NSF: variants seen among roughly 807,000 people sequenced by gnomAD.
NSF encodes vesicle-fusing ATPase.
Under a neutral mutation model 50.3 loss-of-function variants are expected in NSF, and 14 were observed. That is an observed-to-expected ratio of 0.28 (90% confidence interval 0.18 to 0.44). The LOEUF (loss-of-function observed/expected upper bound fraction) is 0.44. NSF is among the 20% of genes least tolerant of loss of function. NSF has a pLI of 1.00. For missense variants in NSF, 218 were observed against 504.3 expected (o/e 0.43, Z 5.44); for synonymous variants, 109 against 175.7 (o/e 0.62, Z 3.00).
chr17:46,657,215 A>G (rs2058265402), intron 8 of NSF, among the ~76,000 whole-genome samples: 1 of 102,770 alleles, frequency 9.7e-6, no homozygotes, highest in South Asian at 4.4e-4. Context: ...TGGAAGTAGA[A>G]TTGCTGAATC....
intron 17 of NSF, among the ~76,000 whole-genome samples, chr17:46,737,186 T>C (rs2059014425): frequency 6.6e-6 from 1 of 152,190 alleles, no homozygotes; most frequent in African/African-American, 2.4e-5. Context: ...CACTGTTCAA[T>C]TGTGAAGTTT....
Position 46,646,502 on chromosome 17 carries a change from CAAAAAAAAAAAAAAAA to C in NSF, c.745+3261_745+3276del, listed in dbSNP as rs1158578265. Among the ~76,000 whole-genome samples, 3 of 502 alleles carry C rather than the reference CAAAAAAAAAAAAAAAA, an allele frequency of 6.0e-3. 1 individual carries two copies. Among genetic ancestry groups the C allele is most frequent in the Non-Finnish European group, 0.016 (1 of 64 alleles). 0.3% of individuals were successfully genotyped at this position (502 alleles called of 152,430 possible). On this transcript the variant is annotated intron_variant, in intron 8 of 20. Transcript: ENST00000398238. Reference sequence around the variant, plus strand: ...TGGGCGACAGAGCGAGACTCCATCTCAAAAAAAAAAAAAAAAAAAAAAAAAAAAAAAAAGAAGAAGA... The same window carrying C: ...TGGGCGACAGAGCGAGACTCCATCTCAAAAAAAAAAAAAAAAAGAAGAAGA...
At position 46,711,030 on chromosome 17, in the gene NSF, C is replaced by T. The variant is rs548528596; in HGVS notation, c.1538C>T (p.Pro513Leu). 14 of 1,591,754 alleles carry T rather than the reference C, an allele frequency of 8.8e-6. No individual in the cohort carries two copies. In the Admixed American group the frequency reaches 1.6e-4, roughly 19 times the overall value. Residue 513 changes from proline (P) to leucine (L), a missense_variant, in exon 14 of 21, where the codon CCA (proline) becomes CTA (leucine). Coordinates refer to ENST00000398238, the MANE Select transcript of NSF (RefSeq NM_006178.4). ...IMNGIIKWGD[P>L]VTRVLDDGEL... ...AACGGTATCATCAAATGGGGTGACC[C>T]AGTTACTCGAGTTCTAGATGATGGG...
chr17:46,727,272 C>G (rs976922471), intron 16 of NSF, among the ~76,000 whole-genome samples: 1 of 152,126 alleles, frequency 6.6e-6, no homozygotes, highest in African/African-American at 2.4e-5. Context: ...TGGCACTTAA[C>G]TCATAAGAAA....
chr17:46,742,191 A>G (rs767135560), intron 17 of NSF, among the ~76,000 whole-genome samples: 6 of 152,244 alleles, frequency 3.9e-5, no homozygotes, highest in East Asian at 1.9e-4. Context: ...GGCACGAAGC[A>G]TACATGCCGT....
chr17:46,679,189 AG>A (rs1861141491), intron 9 of NSF, among the ~76,000 whole-genome samples: 1 of 151,636 alleles, frequency 6.6e-6, no homozygotes, highest in South Asian at 2.1e-4. Context: ...AGTGCTTGGG[AG>A]GGGTTGTGAG....
intron 14 of NSF, among the ~76,000 whole-genome samples, chr17:46,712,725 G>A (rs944073173): frequency 6.6e-6 from 1 of 152,118 alleles, no homozygotes. Flanking sequence ...AGACGAAAAG[G>A]AGGCCTAGAA....
intron 14 of NSF, among the ~76,000 whole-genome samples, chr17:46,713,579 C>T (rs1016616894): frequency 6.6e-6 from 1 of 152,120 alleles, no homozygotes; most frequent in South Asian, 2.1e-4. Flanking sequence ...AACCCTTACA[C>T]TCTGTATATT....
At chr17:46,684,407 G>A (rs931914646) in intron 9 of NSF, among the ~76,000 whole-genome samples, 8 of 151,330 alleles carry the variant, frequency 5.3e-5, no homozygotes, top group Non-Finnish European at 1.0e-4. Context: ...TTGCTATTGT[G>A]AACAGTGCCT....
At chr17:46,727,640 G>C (rs1000626174) in intron 16 of NSF, among the ~76,000 whole-genome samples, 1 of 152,080 alleles carries the variant, frequency 6.6e-6, no homozygotes, top group African/African-American at 2.4e-5. Flanking sequence ...ATTGATAGTG[G>C]GTTTTGGGTC....
chr17:46,721,122 C>T (rs1011666713), intron 15 of NSF, among the ~76,000 whole-genome samples: 3 of 152,178 alleles, frequency 2.0e-5, no homozygotes, highest in Non-Finnish European at 4.4e-5. Flanking sequence ...TTCTCCTGTC[C>T]CTCAGTGCTC....
chr17:46,605,429 CAA>C (rs2057946559), intron 1 of NSF, among the ~76,000 whole-genome samples: 2 of 127,232 alleles, frequency 1.6e-5, no homozygotes, highest in African/African-American at 6.0e-5. Context: ...GCCTGGGCAA[CAA>C]GAGCAAAACT....
intron 13 of NSF, among the ~76,000 whole-genome samples, chr17:46,710,590 C>T (rs899327277): frequency 1.2e-4 from 19 of 152,144 alleles, no homozygotes; most frequent in Admixed American, 5.2e-4. Context: ...TTGTCTATTG[C>T]GCTGTTTCTA....
intron 5 of NSF, among the ~76,000 whole-genome samples, chr17:46,638,708 G>A (rs1178723229): frequency 7.1e-6 from 1 of 139,902 alleles, no homozygotes; most frequent in African/African-American, 2.9e-5. Context: ...TAGAGATGGG[G>A]TTTTGCCATG....
chr17:46,657,641 C>T (rs1220610828), intron 8 of NSF, among the ~76,000 whole-genome samples: 2 of 125,416 alleles, frequency 1.6e-5, no homozygotes, highest in South Asian at 3.3e-4. Context: ...TCACACTTAA[C>T]GTCCTCCTAA....
At chr17:46,599,789 C>A (rs1393605521) in intron 1 of NSF, among the ~76,000 whole-genome samples, 1 of 7,304 alleles carries the variant, frequency 1.4e-4, no homozygotes. Flanking sequence ...GCAGGAGAAT[C>A]GCTTGAACCT....
At chr17:46,678,487 A>AAGAGAG (rs375594195) in intron 9 of NSF, among the ~76,000 whole-genome samples, 4 of 146,930 alleles carry the variant, frequency 2.7e-5, no homozygotes, top group East Asian at 2.0e-4. Flanking sequence ...AAGAGAGAGT[A>AAGAGAG]AGAGAGAGAG....
At chr17:46,754,385 T>C (rs1257157533) in intron 19 of NSF, among the ~76,000 whole-genome samples, 5 of 151,972 alleles carry the variant, frequency 3.3e-5, no homozygotes, top group Non-Finnish European at 7.4e-5. Context: ...GGAGTCCAAT[T>C]GCACATCTCC....
At chr17:46,642,667 TAA>T (rs2146171622) in intron 7 of NSF, among the ~76,000 whole-genome samples, 1 of 82,322 alleles carries the variant, frequency 1.2e-5, no homozygotes, top group South Asian at 4.8e-4. Context: ...TGTATAAGCT[TAA>T]TCTGGATAAA....
Sources: gnomAD v4.1 joint callset for allele counts (sites outside exome capture counted in the v4.1 genomes callset) on GRCh38, gnomAD v4.1.1 for gene constraint, MANE v1.5 for transcripts, NCBI Gene and HGNC (gene_info 2026-07-23, HGNC 2026-07-21) for gene names.